The following MYT1L variants were observed in gnomAD, a reference collection of about 807,000 sequenced individuals.
MYT1L encodes the protein myelin transcription factor 1 like, also known as myelin transcription factor 1-like protein.
Under a neutral mutation model 126.7 loss-of-function variants are expected in MYT1L, and 12 were observed. The observed-to-expected ratio is 0.09, with a 90% CI of 0.06 to 0.15. MYT1L has a LOEUF of 0.15. Among genes scored for constraint, MYT1L ranks in the 10% least tolerant of loss-of-function variants. The pLI is 1.00. For missense variants in MYT1L, 979 were observed against 1,585.2 expected (o/e 0.62, Z 6.49); for synonymous variants, 541 against 604.2 (o/e 0.90, Z 1.53).
At chr2:1,792,090 C>T in intron 24 of MYT1L, 83 bp from the exon 25 acceptor site, 1 of 1,252,904 alleles carries the variant, frequency 8.0e-7, no homozygotes, top group East Asian at 2.6e-5. Context: ...AGTATCATAG[C>T]ATAGTGCCCC....
At chr2:1,797,514 C>T (rs903465959) in intron 23 of MYT1L, among the ~76,000 whole-genome samples, 3 of 152,212 alleles carry the variant, frequency 2.0e-5, no homozygotes, top group Non-Finnish European at 4.4e-5. Flanking sequence ...GCCACTGTGC[C>T]CGGCCAGGGG....
At chr2:2,261,295 G>A (rs977682908) in intron 2 of MYT1L, among the ~76,000 whole-genome samples, 1 of 152,128 alleles carries the variant, frequency 6.6e-6, no homozygotes, top group Non-Finnish European at 1.5e-5. Flanking sequence ...TATACACTAT[G>A]TCTTTTGATA....
intron 2 of MYT1L, among the ~76,000 whole-genome samples, chr2:2,253,228 C>T (rs1382699198): frequency 1.3e-5 from 2 of 152,238 alleles, no homozygotes; most frequent in East Asian, 1.9e-4. Flanking sequence ...GCCTGGTCTC[C>T]ATTCCAGCTG....
At chr2:2,282,747 G>GATGAGGTAACGGAATAAA (rs2095466645) in intron 2 of MYT1L, among the ~76,000 whole-genome samples, 1 of 152,228 alleles carries the variant, frequency 6.6e-6, no homozygotes, top group African/African-American at 2.4e-5. Flanking sequence ...TAGAATGCTA[G>GATGAGGTAACGGAATAAA]ATGAGGTAAC....
chr2:1,996,226 A>G (rs1210406306), intron 5 of MYT1L, among the ~76,000 whole-genome samples: 1 of 152,238 alleles, frequency 6.6e-6, no homozygotes, highest in East Asian at 1.9e-4. Context: ...CAGAGAGCAC[A>G]CAACCTAACC....
intron 4 of MYT1L, among the ~76,000 whole-genome samples, chr2:2,039,527 GGAATGTTCAAAGGT>G (rs1198014751): frequency 2.0e-5 from 3 of 152,192 alleles, no homozygotes; most frequent in African/African-American, 4.8e-5. Context: ...ACCATTTGCA[GGAATGTTCAAAGGT>G]GAATTTATGA....
intron 21 of MYT1L, chr2:1,826,925 C>T (rs995995504): frequency 6.6e-6 from 1 of 152,102 alleles, no homozygotes; most frequent in African/African-American, 2.4e-5. Context: ...GGGTGGGGCT[C>T]ACTGACTGAG....
chr2:2,053,819 T>C (rs2069137151), intron 4 of MYT1L, among the ~76,000 whole-genome samples, 159 bp downstream of exon 4: 1 of 152,248 alleles, frequency 6.6e-6, no homozygotes, highest in African/African-American at 2.4e-5. Context: ...GAATTGTTTA[T>C]TAAAAGCAAG....
intron 2 of MYT1L, among the ~76,000 whole-genome samples, chr2:2,187,876 C>T (rs1034058290): frequency 1.3e-5 from 2 of 152,102 alleles, no homozygotes; most frequent in African/African-American, 4.8e-5. Flanking sequence ...AATTTAAGAA[C>T]ATTCTGAAAA....
intron 2 of MYT1L, among the ~76,000 whole-genome samples, chr2:2,178,075 T>C: frequency 6.6e-6 from 1 of 152,106 alleles, no homozygotes; most frequent in Non-Finnish European, 1.5e-5. Flanking sequence ...ATAGATAAAA[T>C]ATTTATTTTA....
chr2:2,097,625 G>A (rs1412024961), intron 3 of MYT1L, among the ~76,000 whole-genome samples: 3 of 152,162 alleles, frequency 2.0e-5, no homozygotes, highest in Non-Finnish European at 4.4e-5. Flanking sequence ...GGAGATGCGT[G>A]GTGAAAATTT....
At position 2,100,433 on chromosome 2, in the gene MYT1L, T is replaced by A. The variant is rs150586055; in HGVS notation, c.-303-46310A>T. ...CACTGAGCCCTCCTTTTTTCCAGAT[T>A]TGTGTCTGAGTTCCCAGAGGCCCAC... is the stretch of plus-strand genomic sequence containing the variant. On this transcript the variant is annotated intron_variant, in intron 3 of 24. Transcript: ENST00000647738. Among the ~76,000 whole-genome samples the A allele has an allele frequency of 2.1e-4, 32 of 152,270 alleles. No individual in the cohort carries two copies. The East Asian group carries it at 6.0e-3, about 28-fold the overall frequency.
chr2:1,888,295 C>A (rs1012496499), intron 16 of MYT1L, among the ~76,000 whole-genome samples: 5 of 152,112 alleles, frequency 3.3e-5, no homozygotes, highest in Non-Finnish European at 7.4e-5. Context: ...AACCACCATG[C>A]CTTATTTGGT....
chr2:2,238,502 T>C (rs933287616), intron 2 of MYT1L, among the ~76,000 whole-genome samples: 18 of 152,160 alleles, frequency 1.2e-4, no homozygotes, highest in Admixed American at 9.8e-4. Flanking sequence ...TGTATGGAGA[T>C]TGTCGTTCGT....
intron 18 of MYT1L, among the ~76,000 whole-genome samples, chr2:1,885,858 C>T (rs1216472451): frequency 1.3e-5 from 2 of 152,174 alleles, no homozygotes; most frequent in East Asian, 3.9e-4. Flanking sequence ...CCACTTCTTC[C>T]AAACCTGTCT....
intron 3 of MYT1L, among the ~76,000 whole-genome samples, chr2:2,115,658 A>C (rs1002357729): frequency 6.6e-6 from 1 of 152,254 alleles, no homozygotes; most frequent in African/African-American, 2.4e-5. Context: ...TAAACTGGTG[A>C]GTGAGATGCC....
chr2:2,220,897 G>A (rs139328088), intron 2 of MYT1L, among the ~76,000 whole-genome samples: 14 of 152,166 alleles, frequency 9.2e-5, no homozygotes, highest in Admixed American at 2.6e-4. Context: ...AGAATTGTAC[G>A]TTATTGATGG....
chr2:1,931,713 C>A (rs540884715), intron 9 of MYT1L, among the ~76,000 whole-genome samples: 2 of 152,284 alleles, frequency 1.3e-5, no homozygotes, highest in Admixed American at 6.5e-5. Context: ...AATGTCTGTG[C>A]GTTGAGGAGC....
chr2:2,068,471 A>G (rs1186942520), intron 3 of MYT1L, among the ~76,000 whole-genome samples: 1 of 152,160 alleles, frequency 6.6e-6, no homozygotes, highest in East Asian at 1.9e-4. Flanking sequence ...CAAAGAATTC[A>G]CGGGAAGAGA....
Sources: gnomAD v4.1 joint callset for allele counts (sites outside exome capture counted in the v4.1 genomes callset) on GRCh38, gnomAD v4.1.1 for gene constraint, MANE v1.5 for transcripts, NCBI Gene and HGNC (gene_info 2026-07-23, HGNC 2026-07-21) for gene names.